Variants in APH1B observed in about 807,000 individuals in gnomAD.
APH1B encodes the protein gamma-secretase subunit APH-1B.
In APH1B, 27 loss-of-function variants were observed where a neutral mutation model predicts 28.2. That is an observed-to-expected ratio of 0.96 (90% CI 0.70 to 1.32). The LOEUF (loss-of-function observed/expected upper bound fraction) is 1.32. Among genes scored for constraint, APH1B ranks in the 40% most tolerant of loss-of-function variants. The pLI, the probability that APH1B is intolerant of heterozygous loss-of-function variation, is 0.00. For missense variants in APH1B, 305 were observed against 313.6 expected (o/e 0.97, Z 0.21); for synonymous variants, 141 against 124.6 (o/e 1.13, Z -0.88).
At chr15:63,292,468 TA>T (rs1404449325) in intron 4 of APH1B, among the ~76,000 whole-genome samples, 1 of 152,216 alleles carries the variant, frequency 6.6e-6, no homozygotes, top group Admixed American at 6.5e-5. Context: ...TAGCTCTCTA[TA>T]ACCTTGAACT....
Position 63,306,026 on chromosome 15 carries a change from C to T in APH1B, c.*245C>T, listed in dbSNP as rs144683364. ...CCGACTGATTCTGGGCTCCACCTTC[C>T]AGAGCTAATTGGCCTGGGCACGTGG... On this transcript the variant is annotated 3_prime_UTR_variant, in exon 6 of 6. Coordinates refer to ENST00000261879, the MANE Select transcript of APH1B (RefSeq NM_031301.4). 4.5e-6 allele frequency: 2 copies of T among 445,610 alleles called. No individual in the cohort carries two copies. The highest frequency in any genetic ancestry group is 2.0e-5 in the African/African-American group (1 of 48,974). The allele number at this position is 445,610 out of a possible 1,614,324, so 27.6% of individuals were successfully genotyped here.
chr15:63,296,203 GGA>G (rs1949825888), intron 4 of APH1B, among the ~76,000 whole-genome samples: 1 of 152,202 alleles, frequency 6.6e-6, no homozygotes, highest in Non-Finnish European at 1.5e-5. Context: ...TCAAGAGTCT[GGA>G]GAGTTTCTAC....
In APH1B at chr15:63,309,052, A is replaced by G. The variant is rs2038715900; in HGVS notation, c.*3271A>G. 1 of 152,174 alleles carries G rather than the reference A, an allele frequency of 6.6e-6. No homozygotes were observed. Among genetic ancestry groups the G allele is most frequent in the African/African-American group, 2.4e-5 (1 of 41,446 alleles). 9.4% of individuals were successfully genotyped at this position (152,174 alleles called of 1,614,324 possible). On this transcript the variant is annotated 3_prime_UTR_variant, in exon 6 of 6. Coordinates refer to ENST00000261879, the MANE Select transcript of APH1B (RefSeq NM_031301.4). Reference sequence around the variant, plus strand: ...ACTTGCAATATCAGACCTTGCATTCAATATACAATGCAATTGACTCTTTGC... The same window carrying G: ...ACTTGCAATATCAGACCTTGCATTCGATATACAATGCAATTGACTCTTTGC...
chr15:63,296,265 C>T (rs1049581312), intron 4 of APH1B, among the ~76,000 whole-genome samples: 1 of 152,150 alleles, frequency 6.6e-6, no homozygotes, highest in African/African-American at 2.4e-5. Context: ...CCCTGAAACC[C>T]CTGACCTTTC....
At chr15:63,295,497 GTTGAC>G (rs2038556067) in intron 4 of APH1B, among the ~76,000 whole-genome samples, 1 of 152,222 alleles carries the variant, frequency 6.6e-6, no homozygotes, top group African/African-American at 2.4e-5. Flanking sequence ...GAAAAAAAGA[GTTGAC>G]TTGTGGTTCT....
rs1438022944 is a variant in APH1B at position 63,304,861 on chromosome 15, A to C, written c.607-753A>C. ...AATTATTGTGAAGAATAATCTAGAA[A>C]ATGCTCAATGCCTGCCATGCCCACG... On this transcript the variant is annotated intron_variant, in intron 5 of 5. Coordinates refer to ENST00000261879, the MANE Select transcript of APH1B (RefSeq NM_031301.4). This position sits in a 1 kb window ranked among gnomAD's most constrained non-coding sequence, Gnocchi z 5.1. 1.3e-5 allele frequency among the ~76,000 whole-genome samples: 2 copies of C among 152,240 alleles called. No individual in the cohort carries two copies. The highest frequency in any genetic ancestry group is 2.4e-5 in the African/African-American group (1 of 41,464).
chr15:63,302,401 G>A lies in APH1B; in HGVS notation c.535G>A (p.Asp179Asn), dbSNP rs373888843. ...TGTATTCTGGGGCATTGTATTTTTT[G>A]ATGGCTGTGAGAAGAAAAAGTGGGG... ...LHVFWGIVFF[D>N]GCEKKKWGIL... Residue 179 changes from aspartate to asparagine, a missense_variant, in exon 5 of 6, where the codon GAT (aspartate) becomes AAT (asparagine). Coordinates refer to ENST00000261879, the MANE Select transcript of APH1B (RefSeq NM_031301.4). The A allele has an allele frequency of 1.2e-6, 2 of 1,613,896 alleles. No individual in the cohort carries two copies. Among genetic ancestry groups the A allele is most frequent in the East Asian group, 4.5e-5 (2 of 44,892 alleles).
chr15:63,298,102 G>A (rs1277563110), intron 4 of APH1B, among the ~76,000 whole-genome samples: 1 of 152,318 alleles, frequency 6.6e-6, no homozygotes, highest in South Asian at 2.1e-4. Context: ...AGACATACTT[G>A]TTATGTGGGT....
chr15:63,288,861 C>T (rs1454942438), intron 4 of APH1B, among the ~76,000 whole-genome samples: 1 of 152,048 alleles, frequency 6.6e-6, no homozygotes, highest in Non-Finnish European at 1.5e-5. Context: ...AAAACATAAT[C>T]GTAAGGGGTG....
intron 4 of APH1B, among the ~76,000 whole-genome samples, chr15:63,288,263 G>A (rs1300936921): frequency 6.6e-6 from 1 of 152,132 alleles, no homozygotes; most frequent in African/African-American, 2.4e-5. Flanking sequence ...TCCTCAGGGA[G>A]CTTATCCTCT....
rs1291473238 is a variant in APH1B, at chr15:63,289,605, A to G, written c.478+2059A>G. Among the ~76,000 whole-genome samples, 3 of 152,254 alleles carry G rather than the reference A, an allele frequency of 2.0e-5. No individual in the cohort carries two copies. In the East Asian group the frequency reaches 5.8e-4, roughly 29 times the overall value. Reference sequence around the variant, plus strand: ...CACACCTGACCTTGTGTGATGGGTCACAGTCAGAACAAGAAAAAACTGTTT... The same window carrying G: ...CACACCTGACCTTGTGTGATGGGTCGCAGTCAGAACAAGAAAAAACTGTTT... On this transcript the variant is annotated intron_variant, in intron 4 of 5. Coordinates refer to ENST00000261879, the MANE Select transcript of APH1B (RefSeq NM_031301.4).
In APH1B at chr15:63,306,477, T is replaced by C. The variant is rs201573697; in HGVS notation, c.*696T>C. On this transcript the variant is annotated 3_prime_UTR_variant, in exon 6 of 6. Coordinates refer to ENST00000261879, the MANE Select transcript of APH1B (RefSeq NM_031301.4). The stretch of plus-strand genomic sequence containing the variant: ...TTGTTTTTGAGTATAGATTACATTT[T>C]ATTAACTAAAAATGATTGTTTTGTG... 2 of 152,280 alleles carry C rather than the reference T, an allele frequency of 1.3e-5. No individual in the cohort carries two copies. Among genetic ancestry groups the C allele is most frequent in the Non-Finnish European group, 2.9e-5 (2 of 68,056 alleles). 9.4% of individuals were successfully genotyped at this position (152,280 alleles called of 1,614,324 possible). A position where few individuals can be genotyped will look rare whatever the true frequency, so the allele number is the denominator to read the frequency against.
intron 2 of APH1B, among the ~76,000 whole-genome samples, chr15:63,282,439 C>T (rs906912684): frequency 6.6e-6 from 1 of 152,186 alleles, no homozygotes. Context: ...TCTTACTAAT[C>T]TTGTTCTTAC....
chr15:63,296,627 G>T (rs910581693), intron 4 of APH1B, among the ~76,000 whole-genome samples: 6 of 152,082 alleles, frequency 3.9e-5, no homozygotes, highest in South Asian at 2.1e-4. Context: ...TATTCAGGAA[G>T]GGTGAAGGAG....
In APH1B at chr15:63,307,414, A is replaced by G. The variant is rs962577275; in HGVS notation, c.*1633A>G. 5 of 152,210 alleles carry G rather than the reference A, an allele frequency of 3.3e-5. No individual in the cohort carries two copies. Among genetic ancestry groups the G allele is most frequent in the South Asian group, 2.1e-4 (1 of 4,828 alleles). 9.4% of individuals were successfully genotyped at this position (152,210 alleles called of 1,614,324 possible). On this transcript the variant is annotated 3_prime_UTR_variant, in exon 6 of 6. Coordinates refer to ENST00000261879, the MANE Select transcript of APH1B (RefSeq NM_031301.4). ...TAAAAGAAGAGGAGGGCTTCTATCA[A>G]TGCTGTAAACAGTCTGATAAGCGAC...
At position 63,309,094 on chromosome 15, in the gene APH1B, G is replaced by T. The variant is rs1348147159; in HGVS notation, c.*3313G>T. On this transcript the variant is annotated 3_prime_UTR_variant, in exon 6 of 6. Coordinates refer to ENST00000261879, the MANE Select transcript of APH1B (RefSeq NM_031301.4). ...ACTCTTTGCAGACCTGCATTTTTCA[G>T]TGAACAATAAAAAGATTGTCTGGCA... The T allele has an allele frequency of 6.6e-6, 1 of 152,150 alleles. No homozygotes were observed. The highest frequency in any genetic ancestry group is 6.5e-5 in the Admixed American group (1 of 15,276). The allele number at this position is 152,150 out of a possible 1,614,324, so 9.4% of individuals were successfully genotyped here.
In APH1B at chr15:63,296,284, A is replaced by T. The variant is rs149537494; in HGVS notation, c.479-6061A>T. 3.9e-5 allele frequency among the ~76,000 whole-genome samples: 6 copies of T among 152,288 alleles called. No individual in the cohort carries two copies. The East Asian group carries it at 1.2e-3, about 29-fold the overall frequency. On this transcript the variant is annotated intron_variant, in intron 4 of 5. Coordinates refer to ENST00000261879, the MANE Select transcript of APH1B (RefSeq NM_031301.4). ...GAAACCCCTGACCTTTCTACTACTTAGAAAAAGAAGCCAAAAGCCCATTGA... is the reference window on the plus strand; with the variant it reads ...GAAACCCCTGACCTTTCTACTACTTTGAAAAAGAAGCCAAAAGCCCATTGA...
Position 63,304,840 on chromosome 15 carries a change from A to G in APH1B, c.607-774A>G, listed in dbSNP as rs2038669741. On this transcript the variant is annotated intron_variant, in intron 5 of 5. Transcript: ENST00000261879. This position sits in a 1 kb window ranked among gnomAD's most constrained non-coding sequence, Gnocchi z 5.1. ...TTCAGTGGATTTGAGGTATAGAATT[A>G]TTGTGAAGAATAATCTAGAAAATGC... Among the ~76,000 whole-genome samples the G allele has an allele frequency of 6.6e-6, 1 of 152,216 alleles. No homozygotes were observed. Among genetic ancestry groups the G allele is most frequent in the African/African-American group, 2.4e-5 (1 of 41,458 alleles).
intron 5 of APH1B, among the ~76,000 whole-genome samples, chr15:63,303,874 A>AACACACACACACACACACACACAACACAC (rs2038659585): frequency 2.1e-5 from 3 of 145,598 alleles, no homozygotes; most frequent in African/African-American, 7.6e-5. Flanking sequence ...ACACACACAC[A>AACACACACACACACACACACACAACACAC]ACACACACAC....
Sources: gnomAD v4.1 joint callset for allele counts (sites outside exome capture counted in the v4.1 genomes callset) on GRCh38, gnomAD v4.1.1 for gene constraint, Gnocchi (gnomAD v3.1) non-coding constraint, MANE v1.5 for transcripts, NCBI Gene and HGNC (gene_info 2026-07-23, HGNC 2026-07-21) for gene names.